The following ANXA6 variants were observed in gnomAD, a reference collection of about 807,000 sequenced individuals.
ANXA6 encodes the protein 67 kDa calelectrin.
In ANXA6, 71 loss-of-function variants were observed where a neutral mutation model predicts 95.4. That is an observed-to-expected ratio of 0.74 (90% CI 0.61 to 0.91). The LOEUF (loss-of-function observed/expected upper bound fraction) is 0.91, where lower values mean the gene tolerates loss of function less well. Ranked by LOEUF, ANXA6 falls within the 40% of genes least tolerant of loss-of-function variation. The probability of loss-of-function intolerance (pLI) is 0.00; values close to 1 mark genes in which losing one functional copy is unlikely to be tolerated. For synonymous variants in ANXA6, 289 were observed against 315.9 expected, an observed-to-expected ratio of 0.91 and a Z score of 0.90; for missense variants, 830 against 876.4, an observed-to-expected ratio of 0.95 and a Z score of 0.67.
At chr5:151,130,435 G>A (rs1765462814) in intron 11 of ANXA6, among the ~76,000 whole-genome samples, 1 of 152,124 alleles carries the variant, frequency 6.6e-6, no homozygotes, top group East Asian at 1.9e-4. Flanking sequence ...TGTTATTTTT[G>A]TAGAGACAAG....
rs1414216769 is a variant in ANXA6, at chr5:151,133,713, T to C, written c.547-526A>G. Among the ~76,000 whole-genome samples the C allele has an allele frequency of 2.6e-5, 4 of 152,236 alleles. No homozygotes were observed. The East Asian group carries it at 7.7e-4, about 29-fold the overall frequency. ...ATTATGTGGTACATGACTATACCTATATGCCTTTCTTCCTTTCTTTCTGGA... is the reference window on the plus strand; with the variant it reads ...ATTATGTGGTACATGACTATACCTACATGCCTTTCTTCCTTTCTTTCTGGA... On this transcript the variant is annotated intron_variant, in intron 8 of 25. Transcript: ENST00000354546.
At chr5:151,126,308 C>G (rs953679286) in intron 14 of ANXA6, 94 bp downstream of exon 14, 1 of 1,125,576 alleles carries the variant, frequency 8.9e-7, no homozygotes, top group African/African-American at 1.5e-5. Flanking sequence ...GGGTTGGCCG[C>G]CAGGGGGCAG....
At position 151,105,321 on chromosome 5, in the gene ANXA6, G is replaced by A. The variant is rs760598858; in HGVS notation, c.1781-18C>T. 1.2e-6 allele frequency: 2 copies of A among 1,613,354 alleles called. No individual in the cohort carries two copies. The highest frequency in any genetic ancestry group is 2.7e-5 in the African/African-American group (2 of 74,930). On this transcript the variant is annotated intron_variant, in intron 23 of 25. Transcript: ENST00000354546. ...ACTTTGAACTGGTAGGAAGAGCAGA[G>A]AGATGCGGGGAACGTGGTCAGAGGC...
chr5:151,111,864 C>A (rs1764859286), intron 20 of ANXA6, among the ~76,000 whole-genome samples: 1 of 152,236 alleles, frequency 6.6e-6, no homozygotes, highest in Non-Finnish European at 1.5e-5. Context: ...TCTCAGCTCA[C>A]TGCAACCTCC....
intron 18 of ANXA6, among the ~76,000 whole-genome samples, 179 bp from the exon 19 acceptor site, chr5:151,118,016 C>A (rs1252500785): frequency 1.3e-5 from 2 of 152,304 alleles, no homozygotes; most frequent in South Asian, 2.1e-4. Flanking sequence ...TTTTGTAAGA[C>A]AATGGGCATT....
chr5:151,144,130 G>T (rs929666802), intron 2 of ANXA6, among the ~76,000 whole-genome samples: 1 of 152,186 alleles, frequency 6.6e-6, no homozygotes, highest in Non-Finnish European at 1.5e-5. Flanking sequence ...GCCCTGCTGG[G>T]CTGGCCTGGG....
chr5:151,123,022 A>G lies in ANXA6; in HGVS notation c.1139-11T>C. The G allele has an allele frequency of 6.2e-7, 1 of 1,611,792 alleles. No individual in the cohort carries two copies. Among genetic ancestry groups the G allele is most frequent in the Non-Finnish European group, 8.5e-7 (1 of 1,178,806 alleles). ...TGTCTTCGTCAGTCCCTGAGTCACC[A>G]AAGCCACATGCCTCAGAAGAAGGCC... On this transcript the variant is annotated splice_polypyrimidine_tract_variant and intron_variant, in intron 15 of 25. Transcript: ENST00000354546.
intron 24 of ANXA6, 126 bp downstream of exon 24, chr5:151,105,119 A>G: frequency 1.1e-6 from 1 of 935,556 alleles, no homozygotes; most frequent in Non-Finnish European, 1.7e-6. Context: ...GCAGATGCTA[A>G]TAAATGTCAA....
intron 23 of ANXA6, among the ~76,000 whole-genome samples, chr5:151,106,199 G>A (rs1221650564): frequency 6.6e-6 from 1 of 152,002 alleles, no homozygotes; most frequent in Non-Finnish European, 1.5e-5. Flanking sequence ...CACCAACCCC[G>A]CCCTTTCTCA....
chr5:151,118,261 CTT>C (rs11452926), intron 18 of ANXA6, among the ~76,000 whole-genome samples: 6 of 142,408 alleles, frequency 4.2e-5, no homozygotes, highest in Non-Finnish European at 7.6e-5. Flanking sequence ...AAAATGTAAA[CTT>C]TTTTTTTTTT....
intron 1 of ANXA6, among the ~76,000 whole-genome samples, chr5:151,152,354 G>T (rs1766128285): frequency 6.6e-6 from 1 of 152,200 alleles, no homozygotes; most frequent in Non-Finnish European, 1.5e-5. Flanking sequence ...AGGCAATGTG[G>T]CATTAGAATC....
intron 5 of ANXA6, among the ~76,000 whole-genome samples, chr5:151,137,560 C>T (rs1487809934): frequency 6.6e-6 from 1 of 152,146 alleles, no homozygotes; most frequent in Non-Finnish European, 1.5e-5. Context: ...GGAAGTGGGG[C>T]CTGGTGGGAG....
At chr5:151,134,687 C>T (rs752006551) in intron 7 of ANXA6, among the ~76,000 whole-genome samples, 15 of 152,288 alleles carry the variant, frequency 9.8e-5, no homozygotes, top group African/African-American at 1.7e-4. Context: ...TTCCCTTCCT[C>T]GTCAGGGCTG....
chr5:151,134,447 G>A lies in ANXA6; in HGVS notation c.526C>T (p.Leu176=). 6.2e-7 allele frequency: 1 copy of A among 1,613,982 alleles called. No individual in the cohort carries two copies. Among genetic ancestry groups the A allele is most frequent in the Non-Finnish European group, 8.5e-7 (1 of 1,179,890 alleles). ...TTTACCTGGACATCCTGTTGTACCA[G>A]GTCCTCGCTCACTACGTCATCCTCC... ...REEDDVVSED[L]VQQDVQDLYE... Residue 176 remains leucine, a synonymous_variant, in exon 8 of 26, where the codon CTG becomes TTG. Transcript: ENST00000354546.
chr5:151,144,506 T>A (rs1765925681), intron 2 of ANXA6, among the ~76,000 whole-genome samples: 1 of 152,112 alleles, frequency 6.6e-6, no homozygotes, highest in Admixed American at 6.5e-5. Context: ...CATGGGATTG[T>A]AAGCTGCCGG....
At position 151,122,142 on chromosome 5, in the gene ANXA6, T is replaced by G; in HGVS notation, c.1347+5A>C. Reference sequence around the variant, plus strand: ...GACACTAGACCCCCTGGTGCCACACTGTACCTCCATGGCCTTCTTCAACTG... The same window carrying G: ...GACACTAGACCCCCTGGTGCCACACGGTACCTCCATGGCCTTCTTCAACTG... On this transcript the variant is annotated splice_donor_5th_base_variant and intron_variant, in intron 17 of 25. Coordinates refer to ENST00000354546, the MANE Select transcript of ANXA6 (RefSeq NM_001155.5). The G allele has an allele frequency of 6.3e-7, 1 of 1,577,428 alleles. No individual in the cohort carries two copies. Among genetic ancestry groups the G allele is most frequent in the Non-Finnish European group, 8.6e-7 (1 of 1,164,542 alleles).
At position 151,154,264 on chromosome 5, in the gene ANXA6, G is replaced by C. The variant is rs986213690; in HGVS notation, c.-26+3416C>G. Among the ~76,000 whole-genome samples, 5 of 149,502 alleles carry C rather than the reference G, an allele frequency of 3.3e-5. 1 individual carries two copies. Among genetic ancestry groups the C allele is most frequent in the Middle Eastern group, 3.5e-3 (1 of 286 alleles). ...CAAGGCTCCTGGCCCCACAAAGCTG[G>C]TGATAAGGTGATGTCATATGGCAGT... is the stretch of plus-strand genomic sequence containing the variant. On this transcript the variant is annotated intron_variant, in intron 1 of 25. Coordinates refer to ENST00000354546, the MANE Select transcript of ANXA6 (RefSeq NM_001155.5).
At chr5:151,137,694 C>T (rs906286467) in intron 5 of ANXA6, among the ~76,000 whole-genome samples, 1 of 152,120 alleles carries the variant, frequency 6.6e-6, no homozygotes, top group African/African-American at 2.4e-5. Context: ...CCCCACCTCC[C>T]GCCTTGCTCC....
intron 2 of ANXA6, among the ~76,000 whole-genome samples, chr5:151,144,385 G>C (rs544700602): frequency 3.5e-4 from 54 of 152,190 alleles, no homozygotes; most frequent in Non-Finnish European, 6.6e-4. Flanking sequence ...GTGGGATCTA[G>C]AAACTATTTT....
Sources: allele counts gnomAD v4.1 joint callset (sites outside exome capture counted in the v4.1 genomes callset), GRCh38; gene constraint gnomAD v4.1.1; transcripts MANE v1.5; gene names NCBI Gene and HGNC (gene_info 2026-07-23, HGNC 2026-07-21).